Variants in NCAM1 observed in about 807,000 individuals in gnomAD.
The protein encoded by NCAM1 is antigen recognized by monoclonal antibody 5.1H11.
Under a neutral mutation model 109.8 loss-of-function variants are expected in NCAM1, and 14 were observed. The observed-to-expected ratio is 0.13, with a 90% confidence interval of 0.08 to 0.20. The LOEUF (loss-of-function observed/expected upper bound fraction) is 0.20. Among genes scored for constraint, NCAM1 ranks in the 10% least tolerant of loss-of-function variants. The probability of loss-of-function intolerance (pLI) is 1.00; values close to 1 mark genes in which losing one functional copy is unlikely to be tolerated. For missense variants in NCAM1, 774 were observed against 1,109.9 expected (o/e 0.70, Z 4.30); for synonymous variants, 418 against 442.9 (o/e 0.94, Z 0.70).
At chr11:113,132,673 GGA>G (rs142344934) in intron 1 of NCAM1, among the ~76,000 whole-genome samples, 4 of 148,568 alleles carry the variant, frequency 2.7e-5, no homozygotes, top group Admixed American at 6.7e-5. Flanking sequence ...TGGGGGAGCT[GGA>G]GAGAGAGAGA....
At chr11:113,080,236 G>A (rs1192435101) in intron 1 of NCAM1, among the ~76,000 whole-genome samples, 1 of 152,168 alleles carries the variant, frequency 6.6e-6, no homozygotes, top group African/African-American at 2.4e-5. Flanking sequence ...TGATTTTCAA[G>A]TGCCCGCTAC....
intron 1 of NCAM1, among the ~76,000 whole-genome samples, chr11:113,158,830 T>TAA (rs1942504300): frequency 6.6e-6 from 1 of 152,208 alleles, no homozygotes; most frequent in Non-Finnish European, 1.5e-5. Flanking sequence ...GTAGGGTTGT[T>TAA]GAGGGTATAT....
At chr11:113,244,154 T>C (rs1360069244) in intron 14 of NCAM1, among the ~76,000 whole-genome samples, 6 of 152,156 alleles carry the variant, frequency 3.9e-5, no homozygotes, top group Admixed American at 3.9e-4. Flanking sequence ...CCTGGTGCAA[T>C]GTGTGTCCAG....
At chr11:113,171,657 AAATAAATAAATAAAG>A (rs1942996180) in intron 1 of NCAM1, among the ~76,000 whole-genome samples, 2 of 151,270 alleles carry the variant, frequency 1.3e-5, no homozygotes, top group South Asian at 4.2e-4. Context: ...ATAAATAAAT[AAATAAATAAATAAAG>A]AGAAGAGATA....
chr11:113,190,149 A>G (rs1352749751), intron 1 of NCAM1, among the ~76,000 whole-genome samples: 8 of 152,220 alleles, frequency 5.3e-5, no homozygotes, highest in South Asian at 2.1e-4. Flanking sequence ...AATGGATAGC[A>G]ACCTTGAGAG....
At chr11:113,091,331 T>C (rs1462239170) in intron 1 of NCAM1, among the ~76,000 whole-genome samples, 3 of 152,214 alleles carry the variant, frequency 2.0e-5, no homozygotes. Flanking sequence ...CTGCCAGGGA[T>C]ATCTTTGGCT....
At chr11:113,198,519 G>A (rs972314450) in intron 1 of NCAM1, among the ~76,000 whole-genome samples, 2 of 152,024 alleles carry the variant, frequency 1.3e-5, no homozygotes, top group Non-Finnish European at 2.9e-5. Context: ...CTACAGGTGT[G>A]TGCCACCACA....
At chr11:113,177,590 C>T (rs1190847906) in intron 1 of NCAM1, among the ~76,000 whole-genome samples, 1 of 152,110 alleles carries the variant, frequency 6.6e-6, no homozygotes, top group Non-Finnish European at 1.5e-5. Flanking sequence ...TGTACCACCA[C>T]ACCCAGCTAA....
chr11:113,156,925 G>A (rs987292555), intron 1 of NCAM1, among the ~76,000 whole-genome samples: 6 of 152,116 alleles, frequency 3.9e-5, no homozygotes, highest in Admixed American at 6.5e-5. Flanking sequence ...TTTAGGGAAT[G>A]GAAAAGGTAC....
At chr11:113,113,109 G>A (rs1159590282) in intron 1 of NCAM1, among the ~76,000 whole-genome samples, 2 of 152,110 alleles carry the variant, frequency 1.3e-5, no homozygotes, top group African/African-American at 4.8e-5. Flanking sequence ...ATTCCAGCCT[G>A]GGGGACAGAC....
At position 113,232,330 on chromosome 11, in the gene NCAM1, C is replaced by G. The variant is rs782506670; in HGVS notation, c.1401C>G (p.Asn467Lys). Reference protein sequence around the residue: ...SSNYSNIKIYNTPSASYLEVT... With the variant: ...SSNYSNIKIYKTPSASYLEVT... The stretch of plus-strand genomic sequence containing the variant: ...ATTACAGCAATATCAAGATCTACAA[C>G]ACCCCCTCTGCCAGCTATCTGGAGG... Residue 467 changes from asparagine (N) to lysine (K), a missense_variant, in exon 11 of 20, where the codon AAC becomes AAG. Coordinates refer to ENST00000316851, the MANE Select transcript of NCAM1 (RefSeq NM_181351.5). 3.7e-6 allele frequency: 6 copies of G among 1,611,850 alleles called. No homozygotes were observed. Among genetic ancestry groups the G allele is most frequent in the Admixed American group, 3.3e-5 (2 of 59,880 alleles).
chr11:112,998,911 A>G (rs1951670243), intron 1 of NCAM1, among the ~76,000 whole-genome samples: 1 of 152,152 alleles, frequency 6.6e-6, no homozygotes, highest in Non-Finnish European at 1.5e-5. Context: ...AACAAAGCTA[A>G]AGAGTTTCCT....
intron 1 of NCAM1, among the ~76,000 whole-genome samples, chr11:113,189,449 C>CAAAAAAAAAAAAA (rs10712434): frequency 1.7e-5 from 2 of 118,036 alleles, no homozygotes; most frequent in Admixed American, 8.8e-5. Context: ...GATTCTGTCT[C>CAAAAAAAAAAAAA]AAAAAAAAAA....
chr11:113,013,463 G>A lies in NCAM1; in HGVS notation c.52+51799G>A, dbSNP rs868958289. On this transcript the variant is annotated intron_variant, in intron 1 of 19. Coordinates refer to ENST00000316851, the MANE Select transcript of NCAM1 (RefSeq NM_181351.5). ...AAAAAAAAAGAAGCGAAAGAAAAAA[G>A]AAAAATCCACAAAAATGTTGATCAT... Among the ~76,000 whole-genome samples, 489 of 142,442 alleles carry A rather than the reference G, an allele frequency of 3.4e-3. 2 individuals are homozygous for A. Among genetic ancestry groups the A allele is most frequent in the African/African-American group, 0.012 (461 of 39,136 alleles). 93.4% of individuals were successfully genotyped at this position (142,442 alleles called of 152,430 possible).
chr11:113,006,480 T>C (rs141873421), intron 1 of NCAM1, among the ~76,000 whole-genome samples: 2 of 152,290 alleles, frequency 1.3e-5, no homozygotes, highest in African/African-American at 4.8e-5. Context: ...CTACAATTGG[T>C]ATTCACAGTT....
intron 1 of NCAM1, among the ~76,000 whole-genome samples, chr11:113,157,167 AGT>A (rs1942441687): frequency 6.6e-6 from 1 of 152,106 alleles, no homozygotes; most frequent in African/African-American, 2.4e-5. Flanking sequence ...ACACACACAG[AGT>A]AAGAACCCTG....
At chr11:113,125,241 C>T (rs1428187356) in intron 1 of NCAM1, among the ~76,000 whole-genome samples, 2 of 152,264 alleles carry the variant, frequency 1.3e-5, no homozygotes, top group Middle Eastern at 6.8e-3. Flanking sequence ...TCTCTGAGTC[C>T]TCTAAAGATT....
chr11:113,247,589 G>C (rs1431492800), intron 15 of NCAM1, among the ~76,000 whole-genome samples: 1 of 152,114 alleles, frequency 6.6e-6, no homozygotes, highest in Non-Finnish European at 1.5e-5. Flanking sequence ...ATGTCAGCTT[G>C]GCCCCAATGT....
intron 1 of NCAM1, among the ~76,000 whole-genome samples, chr11:113,125,239 T>C (rs1191461053): frequency 6.6e-6 from 1 of 152,142 alleles, no homozygotes; most frequent in African/African-American, 2.4e-5. Flanking sequence ...TTTCTCTGAG[T>C]CCTCTAAAGA....
Sources: gnomAD v4.1 joint callset for allele counts (sites outside exome capture counted in the v4.1 genomes callset) on GRCh38, gnomAD v4.1.1 for gene constraint, MANE v1.5 for transcripts, NCBI Gene and HGNC (gene_info 2026-07-23, HGNC 2026-07-21) for gene names.